Variants in AGBL4 observed in about 807,000 individuals in gnomAD.
AGBL4 encodes AGBL carboxypeptidase 4, also known as cytosolic carboxypeptidase 6.
In AGBL4, 58 loss-of-function variants were observed where a neutral mutation model predicts 66.4. The observed-to-expected ratio is 0.87, with a 90% confidence interval of 0.71 to 1.09. The LOEUF (loss-of-function observed/expected upper bound fraction) is 1.09. Ranked by LOEUF, AGBL4 falls within the 50% of genes least tolerant of loss-of-function variation. AGBL4 has a pLI of 0.00. For synonymous variants in AGBL4, 234 were observed against 222.9 expected, an observed-to-expected ratio of 1.05 and a Z score of -0.44; for missense variants, 579 against 631.0, an observed-to-expected ratio of 0.92 and a Z score of 0.88.
At chr1:49,279,372 T>C (rs1350664187) in intron 3 of AGBL4, among the ~76,000 whole-genome samples, 2 of 152,112 alleles carry the variant, frequency 1.3e-5, no homozygotes, top group African/African-American at 4.8e-5. Context: ...CAATTACAAA[T>C]CTGTTGAAAA....
chr1:48,972,647 T>A (rs1425255070), intron 5 of AGBL4, among the ~76,000 whole-genome samples: 1 of 152,202 alleles, frequency 6.6e-6, no homozygotes. Flanking sequence ...AAAGACAATG[T>A]TGGCCTGAAG....
chr1:49,114,891 C>A (rs1645484542), intron 4 of AGBL4, among the ~76,000 whole-genome samples: 1 of 152,092 alleles, frequency 6.6e-6, no homozygotes, highest in Admixed American at 6.5e-5. Flanking sequence ...TCAAAGATCA[C>A]TGATTACAAA....
In AGBL4 at chr1:49,504,958, G is replaced by A. The variant is rs72684900; in HGVS notation, c.282+192355C>T. Among the ~76,000 whole-genome samples, 401 of 151,860 alleles carry A rather than the reference G, an allele frequency of 2.6e-3. 5 individuals carry two copies. The highest frequency in any genetic ancestry group is 6.8e-3 in the Middle Eastern group (2 of 292). The stretch of plus-strand genomic sequence containing the variant: ...CTTACTGTCTTCCCTGTGATTAAAT[G>A]ATTTTCTGTAGTGGTATGCTTTGAT... On this transcript the variant is annotated intron_variant, in intron 3 of 13. Coordinates refer to ENST00000371839, the MANE Select transcript of AGBL4 (RefSeq NM_032785.4).
At chr1:49,899,532 A>G (rs1331398823) in intron 1 of AGBL4, among the ~76,000 whole-genome samples, 1 of 151,914 alleles carries the variant, frequency 6.6e-6, no homozygotes, top group African/African-American at 2.4e-5. Flanking sequence ...ACTTAGGTTC[A>G]CATCCCTTCT....
intron 3 of AGBL4, among the ~76,000 whole-genome samples, chr1:49,588,957 AT>A (rs1176454793): frequency 1.3e-5 from 2 of 152,020 alleles, no homozygotes; most frequent in African/African-American, 4.8e-5. Flanking sequence ...TGAACTGGGG[AT>A]TTTTAAGATG....
chr1:48,912,506 G>C (rs184034472), intron 5 of AGBL4, among the ~76,000 whole-genome samples: 2 of 152,160 alleles, frequency 1.3e-5, no homozygotes, highest in Non-Finnish European at 2.9e-5. Context: ...CACTGCCACT[G>C]GGCTGTAGGA....
At chr1:48,575,381 G>A (rs996072578) in intron 11 of AGBL4, among the ~76,000 whole-genome samples, 2 of 152,132 alleles carry the variant, frequency 1.3e-5, no homozygotes, top group Non-Finnish European at 2.9e-5. Flanking sequence ...AAGGGCAGGC[G>A]GGTGTTACTT....
At chr1:49,656,013 G>A (rs1212205928) in intron 3 of AGBL4, among the ~76,000 whole-genome samples, 1 of 152,120 alleles carries the variant, frequency 6.6e-6, no homozygotes, top group Non-Finnish European at 1.5e-5. Context: ...TGGGCATGGT[G>A]GCATGTGCCT....
intron 5 of AGBL4, among the ~76,000 whole-genome samples, chr1:48,918,470 G>A (rs1381403722): frequency 1.3e-5 from 2 of 152,162 alleles, no homozygotes; most frequent in Admixed American, 6.5e-5. Context: ...GTGTTCCTCC[G>A]AAATTTATGT....
chr1:49,243,456 G>A (rs183233968), intron 4 of AGBL4, among the ~76,000 whole-genome samples: 2 of 151,702 alleles, frequency 1.3e-5, no homozygotes, highest in East Asian at 3.9e-4. Context: ...ATAGGCTTGG[G>A]TGTAGGTAAC....
chr1:49,067,416 A>G (rs1420071848), intron 4 of AGBL4, among the ~76,000 whole-genome samples: 1 of 152,198 alleles, frequency 6.6e-6, no homozygotes, highest in African/African-American at 2.4e-5. Context: ...TACCTACTTC[A>G]TCTTGTACTT....
At chr1:49,685,167 T>A (rs1365960631) in intron 3 of AGBL4, among the ~76,000 whole-genome samples, 3 of 152,204 alleles carry the variant, frequency 2.0e-5, no homozygotes, top group Admixed American at 6.6e-5. Flanking sequence ...GTATGTTGTT[T>A]TCTGTCCCCA....
chr1:49,837,736 T>A (rs1473522664), intron 2 of AGBL4, among the ~76,000 whole-genome samples: 1 of 152,122 alleles, frequency 6.6e-6, no homozygotes, highest in African/African-American at 2.4e-5. Flanking sequence ...TTCCAGCTAC[T>A]CGGGAGGCTG....
At chr1:48,907,444 A>G (rs1376868439) in intron 5 of AGBL4, among the ~76,000 whole-genome samples, 1 of 152,214 alleles carries the variant, frequency 6.6e-6, no homozygotes, top group Non-Finnish European at 1.5e-5. Context: ...AAAGCAGGAG[A>G]GTGGGCATAA....
chr1:49,068,687 A>C (rs1467964930), intron 4 of AGBL4, among the ~76,000 whole-genome samples: 1 of 152,190 alleles, frequency 6.6e-6, no homozygotes, highest in East Asian at 1.9e-4. Context: ...GCTGCAATAA[A>C]CATATGTGTC....
intron 3 of AGBL4, among the ~76,000 whole-genome samples, chr1:49,615,744 T>A (rs1359369617): frequency 6.6e-6 from 1 of 152,118 alleles, no homozygotes; most frequent in Non-Finnish European, 1.5e-5. Flanking sequence ...TCAGAATCCT[T>A]TTGTAGATTA....
chr1:48,591,009 T>C (rs1314111886), intron 9 of AGBL4, 24 bp from the exon 10 acceptor site: 1 of 1,592,850 alleles, frequency 6.3e-7, no homozygotes, highest in Non-Finnish European at 8.5e-7. Context: ...GGATAACAAA[T>C]GAGAAGTCTG....
intron 4 of AGBL4, among the ~76,000 whole-genome samples, chr1:49,065,792 C>T (rs1459115292): frequency 6.6e-6 from 1 of 152,138 alleles, no homozygotes; most frequent in Non-Finnish European, 1.5e-5. Flanking sequence ...CTTTTCCAGG[C>T]AGGACTATTG....
chr1:49,948,567 AT>A (rs1571939393), intron 1 of AGBL4, among the ~76,000 whole-genome samples: 7 of 46,766 alleles, frequency 1.5e-4, no homozygotes, highest in South Asian at 5.9e-4. Flanking sequence ...ATATAAAAAT[AT>A]ATATATATAT....
Sources: allele counts gnomAD v4.1 joint callset (sites outside exome capture counted in the v4.1 genomes callset), GRCh38; gene constraint gnomAD v4.1.1; transcripts MANE v1.5; gene names NCBI Gene and HGNC (gene_info 2026-07-23, HGNC 2026-07-21).